MACROD2: variants seen among roughly 807,000 people sequenced by gnomAD.
MACROD2 encodes ADP-ribose glycohydrolase MACROD2.
Under a neutral mutation model 70.4 loss-of-function variants are expected in MACROD2, and 36 were observed. That is an observed-to-expected ratio of 0.51 (90% CI 0.39 to 0.68). The LOEUF (loss-of-function observed/expected upper bound fraction) is 0.68. Ranked by LOEUF, MACROD2 falls within the 30% of genes least tolerant of loss-of-function variation. The pLI is 0.00. For missense variants in MACROD2, 496 were observed against 538.4 expected, an observed-to-expected ratio of 0.92 and a Z score of 0.78; for synonymous variants, 172 against 178.8, an observed-to-expected ratio of 0.96 and a Z score of 0.30.
intron 5 of MACROD2, among the ~76,000 whole-genome samples, chr20:15,079,260 T>C (rs559000927): frequency 6.6e-6 from 1 of 152,160 alleles, no homozygotes; most frequent in South Asian, 2.1e-4. Context: ...TTTTCCCCCA[T>C]GACTACTTTC....
At chr20:15,772,753 T>TA (rs1352685844) in intron 8 of MACROD2, among the ~76,000 whole-genome samples, 1 of 152,100 alleles carries the variant, frequency 6.6e-6, no homozygotes, top group African/African-American at 2.4e-5. Context: ...AACCATCAAA[T>TA]ATTGGGTGCA....
intron 5 of MACROD2, among the ~76,000 whole-genome samples, chr20:14,865,666 A>G (rs2073420622): frequency 6.6e-6 from 1 of 152,114 alleles, no homozygotes. Context: ...ACTATTGATA[A>G]TAATAAATGT....
chr20:15,863,885 GTTC>G (rs2064458576), intron 9 of MACROD2, among the ~76,000 whole-genome samples: 1 of 152,168 alleles, frequency 6.6e-6, no homozygotes, highest in East Asian at 1.9e-4. Context: ...AATGGACTAA[GTTC>G]TTCTAAGTAA....
At chr20:15,497,594 CCTT>C (rs754236465) in intron 7 of MACROD2, among the ~76,000 whole-genome samples, 15 of 152,134 alleles carry the variant, frequency 9.9e-5, no homozygotes, top group Non-Finnish European at 2.2e-4. Flanking sequence ...CTGGCCGCCT[CCTT>C]CTCCTTCTTT....
At chr20:14,734,833 A>G (rs1341236933) in intron 5 of MACROD2, among the ~76,000 whole-genome samples, 3 of 152,192 alleles carry the variant, frequency 2.0e-5, no homozygotes, top group Non-Finnish European at 4.4e-5. Context: ...AAATAAATCC[A>G]TGCATCTATG....
intron 8 of MACROD2, among the ~76,000 whole-genome samples, chr20:15,579,714 A>G (rs2048498268): frequency 6.6e-6 from 1 of 152,250 alleles, no homozygotes; most frequent in African/African-American, 2.4e-5. Flanking sequence ...CAGTGTAGTC[A>G]GATTTCATGG....
At chr20:14,667,604 G>A (rs1013770982) in intron 4 of MACROD2, among the ~76,000 whole-genome samples, 1 of 152,256 alleles carries the variant, frequency 6.6e-6, no homozygotes, top group East Asian at 1.9e-4. Context: ...AGCACATGTG[G>A]CTCATTTTAA....
In MACROD2 at chr20:15,454,406, A is replaced by AACACAAACAC. The variant is rs1271722958; in HGVS notation, c.571+22976_571+22977insAACACACACA. ...ATATCCCTCTCATTTGACATATTCA[A>AACACAAACAC]ACACACACACACACACACACACACA... On this transcript the variant is annotated intron_variant, in intron 7 of 17. Transcript: ENST00000684519. 2.6e-3 allele frequency among the ~76,000 whole-genome samples: 358 copies of AACACAAACAC among 137,522 alleles called. 1 individual carries two copies. Among genetic ancestry groups the AACACAAACAC allele is most frequent in the African/African-American group, 9.1e-3 (320 of 35,038 alleles). 90.2% of individuals were successfully genotyped at this position (137,522 alleles called of 152,430 possible).
intron 6 of MACROD2, among the ~76,000 whole-genome samples, chr20:15,317,079 A>G (rs570547500): frequency 2.0e-5 from 3 of 152,106 alleles, no homozygotes; most frequent in African/African-American, 7.2e-5. Context: ...GGTGACTTAT[A>G]GCTGTAAATG....
At chr20:15,616,384 G>A (rs184358912) in intron 8 of MACROD2, among the ~76,000 whole-genome samples, 14 of 152,104 alleles carry the variant, frequency 9.2e-5, no homozygotes, top group Admixed American at 7.8e-4. Context: ...GATTATAGGC[G>A]TGAGCCACCG....
chr20:15,692,338 A>G (rs1600766575), intron 8 of MACROD2, among the ~76,000 whole-genome samples: 1 of 152,258 alleles, frequency 6.6e-6, no homozygotes, highest in East Asian at 1.9e-4. Context: ...TGTCTTTCCC[A>G]GGCATCCACC....
At chr20:15,917,184 T>A (rs1482084035) in intron 10 of MACROD2, among the ~76,000 whole-genome samples, 1 of 152,198 alleles carries the variant, frequency 6.6e-6, no homozygotes, top group Admixed American at 6.5e-5. Flanking sequence ...TCTGTGTCTC[T>A]CAAATTTCCT....
chr20:14,381,945 T>G (rs2083424397), intron 3 of MACROD2, among the ~76,000 whole-genome samples: 1 of 152,058 alleles, frequency 6.6e-6, no homozygotes, highest in African/African-American at 2.4e-5. Flanking sequence ...AACTAACAGG[T>G]TTTTGAAGTC....
intron 3 of MACROD2, among the ~76,000 whole-genome samples, chr20:14,267,930 A>T (rs2082157176): frequency 2.6e-5 from 4 of 151,954 alleles, no homozygotes; most frequent in Admixed American, 2.6e-4. Flanking sequence ...AAGAAATAGG[A>T]TATCAATTTT....
rs187326487 is a variant in MACROD2, at chr20:14,772,898, T to C, written c.418+87939T>C. Among the ~76,000 whole-genome samples the C allele has an allele frequency of 2.8e-3, 423 of 152,136 alleles. 2 individuals are homozygous for C. Among genetic ancestry groups the C allele is most frequent in the Middle Eastern group, 0.014 (4 of 294 alleles). On this transcript the variant is annotated intron_variant, in intron 5 of 17. Coordinates refer to ENST00000684519, the MANE Select transcript of MACROD2 (RefSeq NM_001351661.2). ...AGTGGCTTAAACAATTTTTTCTCTT[T>C]CTTCATATAACAAGTCCAAAGGTAG...
At chr20:14,051,614 T>C (rs763843278) in intron 2 of MACROD2, among the ~76,000 whole-genome samples, 4 of 152,164 alleles carry the variant, frequency 2.6e-5, no homozygotes, top group Non-Finnish European at 4.4e-5. Context: ...AGGTATTGGT[T>C]TACTAATAAT....
chr20:15,018,917 A>G (rs976230980), intron 5 of MACROD2, among the ~76,000 whole-genome samples: 1 of 152,186 alleles, frequency 6.6e-6, no homozygotes, highest in African/African-American at 2.4e-5. Context: ...GCTTTCTACC[A>G]TGAGTAAAAG....
intron 5 of MACROD2, among the ~76,000 whole-genome samples, chr20:14,992,295 A>G (rs143269270): frequency 4.6e-5 from 7 of 152,268 alleles, no homozygotes; most frequent in African/African-American, 1.7e-4. Flanking sequence ...AATAAACAAA[A>G]CACAATGGTG....
chr20:14,362,732 T>A (rs1390539041), intron 3 of MACROD2, among the ~76,000 whole-genome samples: 8 of 152,052 alleles, frequency 5.3e-5, no homozygotes, highest in Non-Finnish European at 1.5e-5. Flanking sequence ...TGAAGCTTAT[T>A]AAAGCAATGA....
Sources: gnomAD v4.1 joint callset for allele counts (sites outside exome capture counted in the v4.1 genomes callset) on GRCh38, gnomAD v4.1.1 for gene constraint, MANE v1.5 for transcripts, NCBI Gene and HGNC (gene_info 2026-07-23, HGNC 2026-07-21) for gene names.